The following OTOGL variants were observed in gnomAD, a reference collection of about 807,000 sequenced individuals.
OTOGL encodes otogelin-like protein.
A neutral mutation model predicts 318.5 loss-of-function variants in OTOGL; 285 were observed. The ratio of observed to expected loss-of-function variants is 0.89; its 90% CI spans 0.81 to 0.99. The LOEUF (loss-of-function observed/expected upper bound fraction) is 0.99, where lower values mean the gene tolerates loss of function less well. Among genes scored for constraint, OTOGL ranks in the 50% least tolerant of loss-of-function variants. The probability of loss-of-function intolerance (pLI) is 0.00; values close to 1 mark genes in which losing one functional copy is unlikely to be tolerated. For synonymous variants in OTOGL, 987 were observed against 936.5 expected (o/e 1.05, Z -0.99); for missense variants, 2,899 against 2,845.6 (o/e 1.02, Z -0.43).
chr12:80,253,335 GAA>G lies in OTOGL; in HGVS notation c.1286-129_1286-128del, dbSNP rs1881739055. 6 of 785,508 alleles carry G rather than the reference GAA, an allele frequency of 7.6e-6. No individual in the cohort carries two copies. The Admixed American group carries it at 1.5e-4, about 20-fold the overall frequency. 48.7% of individuals were successfully genotyped at this position (785,508 alleles called of 1,614,324 possible). A position where few individuals can be genotyped will look rare whatever the true frequency, so the allele number is the denominator to read the frequency against. ...GAGTCAGGTTGTCAGTAATCCCACT[GAA>G]AGTAAAGAAATTTGTATTTCCAGCA... On this transcript the variant is annotated intron_variant, in intron 13 of 58. Coordinates refer to ENST00000547103, the MANE Select transcript of OTOGL (RefSeq NM_001378609.3).
rs374792878 is a variant in OTOGL at position 80,355,925 on chromosome 12, C to A, written c.5783C>A (p.Thr1928Asn). Reference protein sequence around the residue: ...EVVMGIIDKWTCCSKEVCGCD... With the variant: ...EVVMGIIDKWNCCSKEVCGCD... ...GTCATGGGCATCATTGATAAATGGA[C>A]CTGCTGTTCAAAGGAAGTTTGTGGT... is the stretch of plus-strand genomic sequence containing the variant. The change falls in exon 47 of 59, where the codon ACC (threonine) becomes AAC (asparagine). Residue 1928 changes from threonine (T) to asparagine (N), a missense_variant. Around this residue, in one of 3 missense-constraint regions of OTOGL, gnomAD observed 2,607 missense variants for 2,524.9 expected, o/e 1.03. Coordinates refer to ENST00000547103, the MANE Select transcript of OTOGL (RefSeq NM_001378609.3). 5.0e-6 allele frequency: 8 copies of A among 1,613,672 alleles called. No individual in the cohort carries two copies. Among genetic ancestry groups the A allele is most frequent in the Admixed American group, 1.7e-5 (1 of 59,988 alleles).
At chr12:80,121,936 C>A (rs1039590708) in intron 1 of OTOGL, among the ~76,000 whole-genome samples, 4 of 152,134 alleles carry the variant, frequency 2.6e-5, no homozygotes, top group Non-Finnish European at 5.9e-5. Context: ...CAGTGACACA[C>A]ACTTATAATT....
At chr12:80,167,413 A>G (rs1361087236) in intron 1 of OTOGL, among the ~76,000 whole-genome samples, 2 of 152,188 alleles carry the variant, frequency 1.3e-5, no homozygotes, top group African/African-American at 4.8e-5. Flanking sequence ...TATTTTTGGA[A>G]GAATCCTTTA....
intron 51 of OTOGL, 41 bp downstream of exon 51, chr12:80,358,816 T>C: frequency 6.4e-7 from 1 of 1,552,630 alleles, no homozygotes. Context: ...TATAATAAGT[T>C]AATTATTTTG....
At chr12:80,111,360 C>G (rs187722564) in intron 1 of OTOGL, among the ~76,000 whole-genome samples, 2 of 152,268 alleles carry the variant, frequency 1.3e-5, no homozygotes, top group East Asian at 3.9e-4. Flanking sequence ...AGGTTTTCTT[C>G]TAAAGTTTTT....
At chr12:80,160,987 A>AAC (rs1873473822) in intron 1 of OTOGL, among the ~76,000 whole-genome samples, 1 of 152,130 alleles carries the variant, frequency 6.6e-6, no homozygotes, top group East Asian at 1.9e-4. Flanking sequence ...AGGAATGAAA[A>AAC]ACCAAACATT....
intron 1 of OTOGL, among the ~76,000 whole-genome samples, chr12:80,137,969 C>A (rs77152146): frequency 0.019 from 2,872 of 152,204 alleles, 82 homozygotes; most frequent in African/African-American, 0.064. Flanking sequence ...AAAAAATAGA[C>A]TTAACAGAAA....
chr12:80,171,272 G>A (rs2137217478), intron 1 of OTOGL, among the ~76,000 whole-genome samples: 1 of 151,962 alleles, frequency 6.6e-6, no homozygotes, highest in Non-Finnish European at 1.5e-5. Flanking sequence ...TAGAGATGGA[G>A]TCTCACTATG....
At position 80,258,020 on chromosome 12, in the gene OTOGL, AT is replaced by A. The variant is rs1882218453; in HGVS notation, c.1889+19del. 1 of 1,554,514 alleles carries A rather than the reference AT, an allele frequency of 6.4e-7. No homozygotes were observed. The highest frequency in any genetic ancestry group is 1.2e-5 in the South Asian group (1 of 83,094). On this transcript the variant is annotated intron_variant, in intron 18 of 58. Coordinates refer to ENST00000547103, the MANE Select transcript of OTOGL (RefSeq NM_001378609.3). ...GATTTTCTGTAAGTATGATTTCTGCATAGTTAACATACTTAATGACTGGTCA... is the reference window on the plus strand; with the variant it reads ...GATTTTCTGTAAGTATGATTTCTGCAAGTTAACATACTTAATGACTGGTCA...
In OTOGL at chr12:80,249,837, TC is replaced by T. The variant is rs529719619; in HGVS notation, c.1053-1854del. 3.1e-3 allele frequency among the ~76,000 whole-genome samples: 465 copies of T among 151,908 alleles called. 5 individuals are homozygous for T. Among genetic ancestry groups the T allele is most frequent in the African/African-American group, 0.011 (441 of 41,456 alleles). Reference sequence around the variant, plus strand: ...GTGAGACTCCGTGGGCGTAGGACCCTCCGAGGCAGGTGTGGGATATAGTCTC... The same window carrying T: ...GTGAGACTCCGTGGGCGTAGGACCCTCGAGGCAGGTGTGGGATATAGTCTC... On this transcript the variant is annotated intron_variant, in intron 11 of 58. Transcript: ENST00000547103.
At chr12:80,224,611 T>C (rs1185417986) in intron 7 of OTOGL, among the ~76,000 whole-genome samples, 1 of 152,174 alleles carries the variant, frequency 6.6e-6, no homozygotes, top group African/African-American at 2.4e-5. Flanking sequence ...TTTGTAGTTT[T>C]CCTTGTAGAG....
At chr12:80,305,755 A>C in intron 29 of OTOGL, 60 bp downstream of exon 29, 4 of 1,275,170 alleles carry the variant, frequency 3.1e-6, no homozygotes, top group African/African-American at 1.5e-5. Context: ...TTTTTTCACT[A>C]GAACATTTTA....
chr12:80,131,896 T>C (rs570938119), intron 1 of OTOGL: 1 of 152,344 alleles, frequency 6.6e-6, no homozygotes, highest in African/African-American at 2.4e-5. Flanking sequence ...TCTGTCTGAT[T>C]CCAAAGCCCT....
intron 9 of OTOGL, among the ~76,000 whole-genome samples, chr12:80,236,483 A>G (rs1013287947): frequency 3.3e-5 from 5 of 152,198 alleles, no homozygotes; most frequent in African/African-American, 4.8e-5. Context: ...TACTTGGTTC[A>G]AAAGCTGCAA....
chr12:80,338,485 C>G (rs538600346), intron 42 of OTOGL, among the ~76,000 whole-genome samples: 1 of 151,968 alleles, frequency 6.6e-6, no homozygotes, highest in Non-Finnish European at 1.5e-5. Flanking sequence ...TTTAAAGCAC[C>G]GTTTTTCAAA....
At chr12:80,355,224 CT>C (rs11343611) in intron 46 of OTOGL, among the ~76,000 whole-genome samples, 21,248 of 62,474 alleles carry the variant, frequency 0.34, 2,693 homozygotes, top group Middle Eastern at 0.49. Flanking sequence ...TTCTTTCTTT[CT>C]TTTCTTTTTT....
At chr12:80,327,268 A>G (rs12311963) in intron 35 of OTOGL, among the ~76,000 whole-genome samples, 14,798 of 152,168 alleles carry the variant, frequency 0.097, 1,474 homozygotes, top group African/African-American at 0.25. Context: ...TCTTTGGCCC[A>G]CAACATGGCC....
chr12:80,179,288 C>G (rs1444197446), intron 1 of OTOGL, among the ~76,000 whole-genome samples: 1 of 152,072 alleles, frequency 6.6e-6, no homozygotes, highest in Non-Finnish European at 1.5e-5. Flanking sequence ...GAGTCAGGCT[C>G]TTAATTATAA....
At chr12:80,236,415 T>A (rs887959057) in intron 9 of OTOGL, among the ~76,000 whole-genome samples, 2 of 152,194 alleles carry the variant, frequency 1.3e-5, no homozygotes, top group Admixed American at 1.3e-4. Flanking sequence ...AGATATGGAT[T>A]GAAAAATCTC....
Sources: allele counts gnomAD v4.1 joint callset (sites outside exome capture counted in the v4.1 genomes callset), GRCh38; gene constraint gnomAD v4.1.1; regional missense constraint gnomAD v4.1.1; transcripts MANE v1.5; gene names NCBI Gene and HGNC (gene_info 2026-07-23, HGNC 2026-07-21).